The following ANO6 variants were observed in gnomAD, a reference collection of about 807,000 sequenced individuals.
ANO6 encodes the protein anoctamin-6.
In ANO6, 106 loss-of-function variants were observed where a neutral mutation model predicts 117.5. The observed-to-expected ratio is 0.90, with a 90% CI of 0.77 to 1.06. The LOEUF is 1.06. Among genes scored for constraint, ANO6 ranks in the 50% least tolerant of loss-of-function variants. ANO6 has a pLI of 0.00. For missense variants in ANO6, 955 were observed against 1,121.1 expected, an observed-to-expected ratio of 0.85 and a Z score of 2.12; for synonymous variants, 367 against 385.1, an observed-to-expected ratio of 0.95 and a Z score of 0.55.
At chr12:45,372,793 A>G (rs1249990427) in intron 9 of ANO6, among the ~76,000 whole-genome samples, 5 of 152,236 alleles carry the variant, frequency 3.3e-5, no homozygotes, top group Admixed American at 3.3e-4. Context: ...CTAGGAAGAA[A>G]CTGCATCAAC....
intron 12 of ANO6, among the ~76,000 whole-genome samples, chr12:45,400,715 G>C (rs1450109563): frequency 6.6e-6 from 1 of 152,184 alleles, no homozygotes; most frequent in African/African-American, 2.4e-5. Flanking sequence ...GAGAAATCTA[G>C]CCCCAGGACC....
intron 1 of ANO6, among the ~76,000 whole-genome samples, chr12:45,264,165 T>C (rs1938138790): frequency 6.6e-6 from 1 of 152,246 alleles, no homozygotes. Flanking sequence ...CTGCATGTTG[T>C]CTTCAGGCTT....
intron 1 of ANO6, among the ~76,000 whole-genome samples, chr12:45,272,772 A>G (rs957308012): frequency 2.0e-5 from 3 of 152,202 alleles, no homozygotes; most frequent in African/African-American, 7.2e-5. Context: ...CAAAAATAGA[A>G]CTACCACATG....
chr12:45,379,014 T>C (rs746392849), intron 10 of ANO6, among the ~76,000 whole-genome samples: 13 of 152,232 alleles, frequency 8.5e-5, no homozygotes, highest in Non-Finnish European at 1.5e-4. Flanking sequence ...TTTCTTTAAA[T>C]GCAAACTTTA....
chr12:45,300,127 T>A (rs1939432379), intron 1 of ANO6, among the ~76,000 whole-genome samples: 1 of 152,184 alleles, frequency 6.6e-6, no homozygotes, highest in African/African-American at 2.4e-5. Flanking sequence ...TAGTATGCAT[T>A]TTTAAAAGTC....
intron 19 of ANO6, among the ~76,000 whole-genome samples, chr12:45,423,988 G>C (rs894038413): frequency 5.3e-5 from 8 of 151,892 alleles, no homozygotes; most frequent in African/African-American, 1.5e-4. Flanking sequence ...AAGAAGTGGG[G>C]TAGACTACCT....
At chr12:45,358,290 C>T (rs57858655) in intron 8 of ANO6, among the ~76,000 whole-genome samples, 4,953 of 152,228 alleles carry the variant, frequency 0.033, 244 homozygotes, top group African/African-American at 0.11. Context: ...AATTACGCTT[C>T]GATTTAACAG....
intron 10 of ANO6, among the ~76,000 whole-genome samples, chr12:45,379,819 A>G (rs1426150879): frequency 6.6e-6 from 1 of 152,230 alleles, no homozygotes; most frequent in Admixed American, 6.5e-5. Context: ...TGCTGATTTT[A>G]TCTGATTTTT....
chr12:45,355,703 C>G (rs1002145612), intron 7 of ANO6, among the ~76,000 whole-genome samples: 4 of 152,192 alleles, frequency 2.6e-5, no homozygotes, highest in Non-Finnish European at 5.9e-5. Context: ...TCTCCCGATT[C>G]CACCCTCAGG....
chr12:45,218,776 C>T (rs1008850569), intron 1 of ANO6, among the ~76,000 whole-genome samples: 2 of 152,030 alleles, frequency 1.3e-5, no homozygotes, highest in African/African-American at 4.8e-5. Context: ...TAATTTTAAC[C>T]TCTGCCTTTA....
chr12:45,274,400 T>C (rs1938482854), intron 1 of ANO6, among the ~76,000 whole-genome samples: 1 of 152,172 alleles, frequency 6.6e-6, no homozygotes, highest in Non-Finnish European at 1.5e-5. Context: ...TACCACCTAG[T>C]CACTCAGGCC....
At chr12:45,254,043 T>C (rs1028838096) in intron 1 of ANO6, among the ~76,000 whole-genome samples, 1 of 152,182 alleles carries the variant, frequency 6.6e-6, no homozygotes, top group African/African-American at 2.4e-5. Context: ...GGTGTGCGTC[T>C]GTAGTCCCAA....
chr12:45,280,880 A>AT (rs201843095), intron 1 of ANO6, among the ~76,000 whole-genome samples: 1 of 20,278 alleles, frequency 4.9e-5, no homozygotes. Flanking sequence ...ATATATATAT[A>AT]GAGAGAGAGA....
Position 45,348,734 on chromosome 12 carries a change from A to G in ANO6, c.747+103A>G, listed in dbSNP as rs17095781. 0.026 allele frequency: 22,563 copies of G among 872,214 alleles called. 416 individuals carry two copies. Among genetic ancestry groups the G allele is most frequent in the African/African-American group, 0.06 (3,603 of 60,162 alleles). 54.0% of individuals were successfully genotyped at this position (872,214 alleles called of 1,614,324 possible). ...TGACTGTAAGTTTCTTCCTCAGTAA[A>G]ATGAAGGGAACATACTGCAAGATTA... is the stretch of plus-strand genomic sequence containing the variant. On this transcript the variant is annotated intron_variant, in intron 6 of 19. Transcript: ENST00000320560.
intron 3 of ANO6, 59 bp from the exon 4 acceptor site, chr12:45,346,962 TG>T: frequency 6.8e-7 from 1 of 1,480,882 alleles, no homozygotes; most frequent in Non-Finnish European, 9.4e-7. Context: ...TTTTAAAAAA[TG>T]CCTTTTTCTG....
chr12:45,320,947 C>CG (rs1027165858), intron 2 of ANO6, among the ~76,000 whole-genome samples: 9 of 151,754 alleles, frequency 5.9e-5, no homozygotes, highest in East Asian at 5.8e-4. Flanking sequence ...CAACCCCTGC[C>CG]TTTTTTTGTT....
intron 12 of ANO6, among the ~76,000 whole-genome samples, chr12:45,400,394 A>C (rs1271490084): frequency 6.6e-6 from 1 of 152,176 alleles, no homozygotes. Context: ...TTACATATAC[A>C]CACAAATCTT....
chr12:45,403,130 C>G lies in ANO6; in HGVS notation c.1671C>G (p.Phe557Leu), dbSNP rs776689281. 1 of 1,613,972 alleles carries G rather than the reference C, an allele frequency of 6.2e-7. No individual in the cohort carries two copies. Among genetic ancestry groups the G allele is most frequent in the South Asian group, 1.1e-5 (1 of 91,068 alleles). The part of the protein sequence containing the change: ...ENSLTMKMFL[F>L]QFVNYYSSCF... The stretch of plus-strand genomic sequence containing the variant: ...GCCTCACCATGAAGATGTTCTTATT[C>G]CAGTTTGTCAACTACTACTCTTCAT... The change falls in exon 14 of 20, where the codon TTC becomes TTG. Residue 557 changes from phenylalanine to leucine, a missense_variant. Phe to Leu is a conservative substitution (Grantham distance 22). Coordinates refer to ENST00000320560, the MANE Select transcript of ANO6 (RefSeq NM_001025356.3).
Position 45,216,405 on chromosome 12 carries a change from C to T in ANO6, c.70+14C>T, listed in dbSNP as rs1360352353. ...ATGGGGATATCGGTGAGCGAGGGGT[C>T]CCCGCGTCCCCACCCGAGAGCCCGA... On this transcript the variant is annotated intron_variant, in intron 1 of 19. Transcript: ENST00000320560. 1.2e-6 allele frequency: 2 copies of T among 1,608,036 alleles called. No individual in the cohort carries two copies. Among genetic ancestry groups the T allele is most frequent in the Non-Finnish European group, 1.7e-6 (2 of 1,177,748 alleles).
Sources: allele counts gnomAD v4.1 joint callset (sites outside exome capture counted in the v4.1 genomes callset), GRCh38; gene constraint gnomAD v4.1.1; transcripts MANE v1.5; gene names NCBI Gene and HGNC (gene_info 2026-07-23, HGNC 2026-07-21).